The following UFSP2 variants were observed in gnomAD, a reference collection of about 807,000 sequenced individuals.
UFSP2 encodes the protein UFM1 specific peptidase 2, also known as ufm1-specific protease 2.
Under a neutral mutation model 60.2 loss-of-function variants are expected in UFSP2, and 43 were observed. The ratio of observed to expected loss-of-function variants is 0.71; its 90% CI spans 0.56 to 0.92. The LOEUF is 0.92. Among genes scored for constraint, UFSP2 ranks in the 40% least tolerant of loss-of-function variants. The pLI, the probability that UFSP2 is intolerant of heterozygous loss-of-function variation, is 0.00. For missense variants in UFSP2, 520 were observed against 575.0 expected, an observed-to-expected ratio of 0.90 and a Z score of 0.98; for synonymous variants, 183 against 195.1, an observed-to-expected ratio of 0.94 and a Z score of 0.52.
At chr4:185,402,866 G>A (rs1246056762) in intron 11 of UFSP2, among the ~76,000 whole-genome samples, 4 of 152,180 alleles carry the variant, frequency 2.6e-5, no homozygotes, top group South Asian at 4.1e-4. Context: ...GTATTTGGCA[G>A]CGAATATAAA....
At chr4:185,420,241 T>A (rs1461168813) in intron 2 of UFSP2, among the ~76,000 whole-genome samples, 1 of 152,224 alleles carries the variant, frequency 6.6e-6, no homozygotes, top group Non-Finnish European at 1.5e-5. Flanking sequence ...TTGTTTTTGT[T>A]TTCAAGGATT....
rs1187037139 is a variant in UFSP2 at position 185,405,842 on chromosome 4, A to G, written c.1136T>C (p.Ile379Thr). The change falls in exon 10 of 12, where the codon ATT (isoleucine) becomes ACT (threonine). Residue 379 changes from isoleucine to threonine, a missense_variant. Ile to Thr is a moderately conservative substitution (Grantham distance 89). Transcript: ENST00000264689. ...KILFVSQGSE[I>T]ASQGRELANH... ...AGCCAGTTCCCGTCCTTGAGAGGCA[A>G]TTTCTGAACCTTGGCTAGAAAGAAA... 6.2e-7 allele frequency: 1 copy of G among 1,613,970 alleles called. No homozygotes were observed. Among genetic ancestry groups the G allele is most frequent in the Non-Finnish European group, 8.5e-7 (1 of 1,180,004 alleles).
At chr4:185,415,667 G>A in intron 5 of UFSP2, 43 bp downstream of exon 5, 1 of 1,543,910 alleles carries the variant, frequency 6.5e-7, no homozygotes, top group East Asian at 2.3e-5. Flanking sequence ...TTTGGGGAAG[G>A]GCCCTCATTC....
In UFSP2 at chr4:185,418,608, T is replaced by C; in HGVS notation, c.245A>G (p.Lys82Arg). ...TCACTGAATAAAGCGCAGTATGTTC[T>C]TACAAGCAGAAGCATCAGTCAGTTC... ...PGELTDASAC[K>R]NILRFIQFEP... Residue 82 changes from lysine (K) to arginine (R), a missense_variant, in exon 3 of 12, where the codon AAG becomes AGG. By Grantham distance (26) the Lys-to-Arg change is conservative (BLOSUM62 2). Transcript: ENST00000264689. 1.2e-6 allele frequency: 2 copies of C among 1,613,466 alleles called. No individual in the cohort carries two copies. The highest frequency in any genetic ancestry group is 1.7e-6 in the Non-Finnish European group (2 of 1,179,858).
chr4:185,425,844 G>C, intron 1 of UFSP2, 22 bp downstream of exon 1: 2 of 1,602,362 alleles, frequency 1.2e-6, no homozygotes, highest in Non-Finnish European at 1.7e-6. Context: ...CACAGGGGTC[G>C]GTGACGAGCA....
chr4:185,418,744 G>A lies in UFSP2; in HGVS notation c.109C>T (p.His37Tyr), dbSNP rs760647426. 3.1e-6 allele frequency: 5 copies of A among 1,594,112 alleles called. No individual in the cohort carries two copies. The highest frequency in any genetic ancestry group is 2.7e-5 in the African/African-American group (2 of 73,706). The change falls in exon 3 of 12, where the codon CAT (histidine) becomes TAT (tyrosine). Residue 37 changes from histidine (H) to tyrosine (Y), a missense_variant. Coordinates refer to ENST00000264689, the MANE Select transcript of UFSP2 (RefSeq NM_018359.5). ...TTAGTTGACAGGTCACTCAACACAT[G>A]TTTCAGTGCCTTCTTGAGAAAAATT... The part of the protein sequence containing the change: ...NEIFLKKALK[H>Y]VLSDLSTKLS...
In UFSP2 at chr4:185,413,839, T is replaced by C. The variant is rs761712625; in HGVS notation, c.718A>G (p.Arg240Gly). ...GCATTAGACCTTTTGAAATAGGGTC[T>C]GTCGTGAGGCAGATTGAAAAGATCA... ...LHDLFNLPHDRPYFKRSNAYH... is the reference protein window; with the variant it reads ...LHDLFNLPHDGPYFKRSNAYH... The change falls in exon 7 of 12, where the codon AGA (arginine) becomes GGA (glycine). Residue 240 changes from arginine to glycine, a missense_variant. Arg to Gly is a moderately radical substitution (Grantham distance 125). Coordinates refer to ENST00000264689, the MANE Select transcript of UFSP2 (RefSeq NM_018359.5). 3.7e-6 allele frequency: 6 copies of C among 1,612,728 alleles called. No individual in the cohort carries two copies. Among genetic ancestry groups the C allele is most frequent in the Admixed American group, 3.3e-5 (2 of 59,752 alleles).
intron 11 of UFSP2, among the ~76,000 whole-genome samples, chr4:185,402,093 C>T (rs1349085359): frequency 6.6e-6 from 1 of 152,050 alleles, no homozygotes; most frequent in Non-Finnish European, 1.5e-5. Context: ...CTCGTAGAAG[C>T]ACCTGAGATA....
At chr4:185,402,119 C>T (rs1434048623) in intron 11 of UFSP2, 8 of 279,394 alleles carry the variant, frequency 2.9e-5, no homozygotes, top group Admixed American at 2.1e-4. Flanking sequence ...TTTTTTTTCT[C>T]GAGAGTCCTT....
intron 4 of UFSP2, among the ~76,000 whole-genome samples, chr4:185,417,934 C>T (rs934970900): frequency 2.6e-5 from 4 of 151,896 alleles, no homozygotes; most frequent in African/African-American, 9.7e-5. Context: ...ATCCCAGCTA[C>T]TCAGGAGGCC....
At chr4:185,422,390 C>A (rs1366293817) in intron 2 of UFSP2, 95 bp downstream of exon 2, 3 of 884,998 alleles carry the variant, frequency 3.4e-6, no homozygotes, top group Non-Finnish European at 3.6e-6. Flanking sequence ...TTAGTTCATC[C>A]TATCTCTCTC....
chr4:185,400,807 A>G (rs752494737), intron 11 of UFSP2, among the ~76,000 whole-genome samples: 9 of 152,258 alleles, frequency 5.9e-5, no homozygotes, highest in Non-Finnish European at 1.0e-4. Flanking sequence ...CAATTGAACT[A>G]GCAATCTGTT....
At chr4:185,415,559 C>T (rs929065542) in intron 5 of UFSP2, 151 bp downstream of exon 5, 2 of 810,762 alleles carry the variant, frequency 2.5e-6, no homozygotes, top group Admixed American at 3.3e-5. Context: ...ACCCTACTTC[C>T]TCCAAATAAC....
rs1200560599 is a variant in UFSP2 at position 185,413,870 on chromosome 4, C to T, written c.687G>A (p.Glu229=). The T allele has an allele frequency of 1.3e-6, 2 of 1,590,274 alleles. No homozygotes were observed. The highest frequency in any genetic ancestry group is 1.7e-6 in the Non-Finnish European group (2 of 1,171,906). ...GAGGCAGATTGAAAAGATCATGTAA[C>T]TCCTAAAATAAATCAGAATCAACAG... is the stretch of plus-strand genomic sequence containing the variant. ...PDGQLQAYRK[E]LHDLFNLPHD... Residue 229 remains glutamate, a splice_region_variant and synonymous_variant, in exon 7 of 12, where the codon GAG becomes GAA. Coordinates refer to ENST00000264689, the MANE Select transcript of UFSP2 (RefSeq NM_018359.5).
chr4:185,425,407 G>T (rs2095557722), intron 1 of UFSP2, among the ~76,000 whole-genome samples: 1 of 152,130 alleles, frequency 6.6e-6, no homozygotes, highest in South Asian at 2.1e-4. Context: ...AATTTTAGGA[G>T]AACGCATAGG....
chr4:185,404,766 A>G (rs2126878966), intron 10 of UFSP2, among the ~76,000 whole-genome samples: 1 of 151,448 alleles, frequency 6.6e-6, no homozygotes, highest in East Asian at 2.0e-4. Flanking sequence ...TTGTATTTTT[A>G]GTAGAGACAG....
rs770799505 is a variant in UFSP2, at chr4:185,403,578, C to T, written c.1239G>A (p.Trp413Ter). ...VLAHTILGVA[W>*]NEITGQIKFL... ...ACTTTATCTGCCCTGTAATCTCATT[C>T]CATGCAACTCCTAGTATTGTGTGGG... Residue 413 changes from tryptophan (W) to a stop codon, truncating the protein, a stop_gained, in exon 11 of 12, where the codon TGG becomes TGA. Transcript: ENST00000264689. LOFTEE classifies it high-confidence loss of function. 12 of 1,614,122 alleles carry T rather than the reference C, an allele frequency of 7.4e-6. No individual in the cohort carries two copies. The highest frequency in any genetic ancestry group is 1.0e-5 in the Non-Finnish European group (12 of 1,180,036).
chr4:185,405,354 G>GT (rs1183738339), intron 10 of UFSP2, among the ~76,000 whole-genome samples: 2 of 152,084 alleles, frequency 1.3e-5, no homozygotes, highest in Non-Finnish European at 2.9e-5. Flanking sequence ...CACAGGACAG[G>GT]TCTTGTTCTT....
chr4:185,425,824 C>A, intron 1 of UFSP2, 42 bp downstream of exon 1: 1 of 1,595,928 alleles, frequency 6.3e-7, no homozygotes, highest in Non-Finnish European at 8.5e-7. Context: ...TGCCAAAGTC[C>A]GGGGAAAAAC....
Sources: allele counts gnomAD v4.1 joint callset (sites outside exome capture counted in the v4.1 genomes callset), GRCh38; gene constraint gnomAD v4.1.1; transcripts MANE v1.5; gene names NCBI Gene and HGNC (gene_info 2026-07-23, HGNC 2026-07-21).